The following YPEL5 variants were observed in gnomAD, a reference collection of about 807,000 sequenced individuals.
YPEL5 encodes the protein yippee like 5.
In YPEL5, 1 loss-of-function variant was observed where a neutral mutation model predicts 10.5. That is an observed-to-expected ratio of 0.10 (90% CI 0.03 to 0.45). The LOEUF (loss-of-function observed/expected upper bound fraction) is 0.45, where lower values mean the gene tolerates loss of function less well. YPEL5 is among the 20% of genes least tolerant of loss of function. The pLI, the probability that YPEL5 is intolerant of heterozygous loss-of-function variation, is 0.97. For synonymous variants in YPEL5, 61 were observed against 56.6 expected, an observed-to-expected ratio of 1.08 and a Z score of -0.35; for missense variants, 68 against 159.3, an observed-to-expected ratio of 0.43 and a Z score of 3.09.
intron 1 of YPEL5, among the ~76,000 whole-genome samples, chr2:30,151,217 T>TC (rs1420783651): frequency 1.3e-5 from 2 of 152,200 alleles, no homozygotes; most frequent in African/African-American, 4.8e-5. Flanking sequence ...AATTATGTAG[T>TC]CCATCATATC....
rs564176192 is a variant in YPEL5 at position 30,159,718 on chromosome 2, C to G, written c.*875C>G. ...CATACTGTTGAAACCCGCAGTGTTG[C>G]ATTTAGAAAACAGTTGAACAGAATG... On this transcript the variant is annotated 3_prime_UTR_variant, in exon 3 of 3. Coordinates refer to ENST00000261353, the MANE Select transcript of YPEL5 (RefSeq NM_016061.3). The G allele has an allele frequency of 9.9e-5, 15 of 152,080 alleles. No homozygotes were observed. The highest frequency in any genetic ancestry group is 2.1e-4 in the Non-Finnish European group (14 of 68,010). The allele number at this position is 152,080 out of a possible 1,614,324, so 9.4% of individuals were successfully genotyped here.
In YPEL5 at chr2:30,159,028, ACAG is replaced by A. The variant is rs750504650; in HGVS notation, c.*189_*191del. On this transcript the variant is annotated 3_prime_UTR_variant, in exon 3 of 3. Transcript: ENST00000261353. ...TTTTAAATTTTGTATTTTCCATCCA[ACAG>A]CAGTGTGTAGAGAGAATATTATGCA... 12 of 634,420 alleles carry A rather than the reference ACAG, an allele frequency of 1.9e-5. No individual in the cohort carries two copies. The highest frequency in any genetic ancestry group is 3.2e-5 in the Non-Finnish European group (12 of 371,946). 39.3% of individuals were successfully genotyped at this position (634,420 alleles called of 1,614,324 possible).
chr2:30,159,028 A>G lies in YPEL5; in HGVS notation c.*185A>G. 3.2e-6 allele frequency: 2 copies of G among 634,420 alleles called. No individual in the cohort carries two copies. Among genetic ancestry groups the G allele is most frequent in the South Asian group, 2.0e-5 (1 of 49,388 alleles). The allele number at this position is 634,420 out of a possible 1,614,324, so 39.3% of individuals were successfully genotyped here. On this transcript the variant is annotated 3_prime_UTR_variant, in exon 3 of 3. Coordinates refer to ENST00000261353, the MANE Select transcript of YPEL5 (RefSeq NM_016061.3). ...TTTTAAATTTTGTATTTTCCATCCA[A>G]CAGCAGTGTGTAGAGAGAATATTAT...
chr2:30,147,345 A>G (rs2103500465), intron 1 of YPEL5, among the ~76,000 whole-genome samples: 1 of 149,018 alleles, frequency 6.7e-6, no homozygotes, highest in Non-Finnish European at 1.5e-5. Context: ...CAGCCGGGCG[A>G]CCGGTGCGAC....
intron 1 of YPEL5, among the ~76,000 whole-genome samples, chr2:30,150,202 C>T (rs1357271875): frequency 6.6e-6 from 1 of 152,184 alleles, no homozygotes; most frequent in Admixed American, 6.5e-5. Context: ...GTTATTGTTT[C>T]ATATCCTTTG....
At chr2:30,156,397 T>C (rs1363637332) in intron 1 of YPEL5, 4 of 412,882 alleles carry the variant, frequency 9.7e-6, no homozygotes, top group African/African-American at 2.0e-5. Context: ...GCTAATAGGT[T>C]TACTTCCTTG....
At chr2:30,150,236 CAT>C (rs1432632389) in intron 1 of YPEL5, among the ~76,000 whole-genome samples, 2 of 152,210 alleles carry the variant, frequency 1.3e-5, no homozygotes, top group African/African-American at 4.8e-5. Context: ...TCTCATCTGT[CAT>C]AGGGTGAGTT....
chr2:30,159,044 A>G lies in YPEL5; in HGVS notation c.*201A>G. Reference sequence around the variant, plus strand: ...TTCCATCCAACAGCAGTGTGTAGAGAGAATATTATGCAGATGCCGTTAATT... The same window carrying G: ...TTCCATCCAACAGCAGTGTGTAGAGGGAATATTATGCAGATGCCGTTAATT... On this transcript the variant is annotated 3_prime_UTR_variant, in exon 3 of 3. Coordinates refer to ENST00000261353, the MANE Select transcript of YPEL5 (RefSeq NM_016061.3). 1 of 596,256 alleles carries G rather than the reference A, an allele frequency of 1.7e-6. No individual in the cohort carries two copies. The highest frequency in any genetic ancestry group is 2.9e-6 in the Non-Finnish European group (1 of 342,018). The allele number at this position is 596,256 out of a possible 1,614,324, so 36.9% of individuals were successfully genotyped here.
At chr2:30,147,841 GCCCCGCCGC>G (rs1675549194) in intron 1 of YPEL5, 1 of 153,340 alleles carries the variant, frequency 6.5e-6, no homozygotes, top group Non-Finnish European at 1.5e-5. Flanking sequence ...GCCGAGGGAG[GCCCCGCCGC>G]CACCGCCGCC....
At chr2:30,148,723 C>T (rs1423748845) in intron 1 of YPEL5, among the ~76,000 whole-genome samples, 2 of 152,074 alleles carry the variant, frequency 1.3e-5, no homozygotes, top group East Asian at 3.8e-4. Flanking sequence ...GACTAATTTC[C>T]CTTTTCTGTT....
chr2:30,152,991 C>A (rs1344871309), intron 1 of YPEL5, among the ~76,000 whole-genome samples: 1 of 151,568 alleles, frequency 6.6e-6, no homozygotes, highest in Non-Finnish European at 1.5e-5. Context: ...AGCTCCGCCT[C>A]CTGGGTTCAT....
At chr2:30,152,433 C>G (rs955872403) in intron 1 of YPEL5, among the ~76,000 whole-genome samples, 3 of 152,080 alleles carry the variant, frequency 2.0e-5, no homozygotes, top group Non-Finnish European at 4.4e-5. Context: ...GGAAAACTTC[C>G]AAAAGTGATT....
At chr2:30,149,404 GTCACTGAAAACTTAGCT>G (rs1675671732) in intron 1 of YPEL5, among the ~76,000 whole-genome samples, 1 of 152,210 alleles carries the variant, frequency 6.6e-6, no homozygotes. Flanking sequence ...GCTTGCTTGT[GTCACTGAAAACTTAGCT>G]TGTTATATAT....
chr2:30,153,088 AGAC>A (rs1675883740), intron 1 of YPEL5, among the ~76,000 whole-genome samples: 1 of 151,962 alleles, frequency 6.6e-6, no homozygotes, highest in Admixed American at 6.6e-5. Flanking sequence ...TTTTTAGTAG[AGAC>A]GGGGTTTCAC....
At chr2:30,157,542 T>C (rs1676097400) in intron 2 of YPEL5, among the ~76,000 whole-genome samples, 3 of 152,232 alleles carry the variant, frequency 2.0e-5, no homozygotes, top group Non-Finnish European at 4.4e-5. Flanking sequence ...ATGGATTTGC[T>C]GACAGGAAGA....
chr2:30,154,721 T>C (rs1260689854), intron 1 of YPEL5, among the ~76,000 whole-genome samples: 2 of 152,208 alleles, frequency 1.3e-5, no homozygotes, highest in East Asian at 1.9e-4. Flanking sequence ...TTCTGACTTA[T>C]ATGTAAATAA....
chr2:30,155,523 T>C (rs1676003952), intron 1 of YPEL5, among the ~76,000 whole-genome samples: 1 of 152,236 alleles, frequency 6.6e-6, no homozygotes. Context: ...GTATAATAAA[T>C]ATTTAAAACA....
At chr2:30,155,224 A>G (rs1001475870) in intron 1 of YPEL5, among the ~76,000 whole-genome samples, 3 of 152,206 alleles carry the variant, frequency 2.0e-5, no homozygotes, top group African/African-American at 7.2e-5. Flanking sequence ...TTTTCCTTTT[A>G]CTAGCTGCAC....
chr2:30,149,472 G>T (rs562662836), intron 1 of YPEL5, among the ~76,000 whole-genome samples: 3 of 152,304 alleles, frequency 2.0e-5, no homozygotes, highest in Admixed American at 2.0e-4. Flanking sequence ...GGATCAAACT[G>T]TTTTCCCATG....
Sources: gnomAD v4.1 joint callset for allele counts (sites outside exome capture counted in the v4.1 genomes callset) on GRCh38, gnomAD v4.1.1 for gene constraint, MANE v1.5 for transcripts, NCBI Gene and HGNC (gene_info 2026-07-23, HGNC 2026-07-21) for gene names.